The following LECT2 variants were observed in gnomAD, a reference collection of about 807,000 sequenced individuals.
The protein encoded by LECT2 is leukocyte cell-derived chemotaxin-2.
In LECT2, 11 loss-of-function variants were observed where a neutral mutation model predicts 16.6. The ratio of observed to expected loss-of-function variants is 0.66; its 90% CI spans 0.42 to 1.09. The LOEUF is 1.09. Ranked by LOEUF, LECT2 falls within the 50% of genes least tolerant of loss-of-function variation. The pLI is 0.00. For synonymous variants in LECT2, 54 were observed against 64.8 expected (o/e 0.83, Z 0.80); for missense variants, 173 against 184.2 (o/e 0.94, Z 0.35).
At chr5:135,952,393 C>G (rs1483379355) in intron 2 of LECT2, among the ~76,000 whole-genome samples, 1 of 152,140 alleles carries the variant, frequency 6.6e-6, no homozygotes, top group African/African-American at 2.4e-5. Context: ...CTGCTTAGGG[C>G]CAGCCTCTAA....
intron 2 of LECT2, 55 bp downstream of exon 2, chr5:135,952,816 T>C (rs1483411669): frequency 7.5e-7 from 1 of 1,329,780 alleles, no homozygotes; most frequent in Non-Finnish European, 1.1e-6. Flanking sequence ...GCAAGGACAC[T>C]AAGAAAAGAG....
chr5:135,952,800 C>G, intron 2 of LECT2, 71 bp downstream of exon 2: 1 of 1,078,452 alleles, frequency 9.3e-7, no homozygotes, highest in East Asian at 2.4e-5. Context: ...AGGCAACCAA[C>G]GTTGGGCAAG....
intron 2 of LECT2, chr5:135,951,676 T>C (rs1472887866): frequency 3.7e-6 from 1 of 267,858 alleles, no homozygotes; most frequent in Admixed American, 5.2e-5. Flanking sequence ...TCCATGTAAG[T>C]GCATTTTCTA....
intron 3 of LECT2, among the ~76,000 whole-genome samples, chr5:135,949,136 G>A (rs529676994): frequency 6.6e-6 from 1 of 152,322 alleles, no homozygotes; most frequent in East Asian, 1.9e-4. Flanking sequence ...ATATAACAGT[G>A]AAGGAAGACC....
rs1763840555 is a variant in LECT2 at position 135,954,927 on chromosome 5, A to C, written c.-94T>G. ...AAGTTTGAATGAATACTTCCTAGCT[A>C]TTTAGCCTTAGAATTCTGCATCTCT... On this transcript the variant is annotated 5_prime_UTR_variant, in exon 1 of 4. The change abolishes the stop of an existing upstream ORF in the 5' untranslated region. Transcript: ENST00000274507. The C allele has an allele frequency of 3.3e-6, 3 of 922,776 alleles. No individual in the cohort carries two copies. In the Admixed American group the frequency reaches 5.8e-5, roughly 18 times the overall value. 57.2% of individuals were successfully genotyped at this position (922,776 alleles called of 1,614,324 possible).
chr5:135,947,521 T>C (rs1763722277), intron 3 of LECT2, 24 bp from the exon 4 acceptor site: 3 of 1,558,622 alleles, frequency 1.9e-6, no homozygotes, highest in Non-Finnish European at 2.6e-6. Context: ...AGTATAATTA[T>C]TTATCTGGGC....
rs1763743939 is a variant in LECT2, at chr5:135,948,892, G to T, written c.290-1395C>A. ...GGGTTTCACCGTGTTAGCCAGGATGGTCTCGATCTCCTGACCTCGTGATCC... is the reference window on the plus strand; with the variant it reads ...GGGTTTCACCGTGTTAGCCAGGATGTTCTCGATCTCCTGACCTCGTGATCC... On this transcript the variant is annotated intron_variant, in intron 3 of 3. Transcript: ENST00000274507. Among the ~76,000 whole-genome samples, 3 of 151,986 alleles carry T rather than the reference G, an allele frequency of 2.0e-5. No homozygotes were observed. The South Asian group carries it at 6.2e-4, about 31-fold the overall frequency.
chr5:135,952,963 C>T lies in LECT2; in HGVS notation c.51G>A (p.Leu17=), dbSNP rs1763815780. 6.2e-7 allele frequency: 1 copy of T among 1,612,446 alleles called. No individual in the cohort carries two copies. The highest frequency in any genetic ancestry group is 8.5e-7 in the Non-Finnish European group (1 of 1,178,452). Residue 17 remains leucine, a synonymous_variant, in exon 2 of 4, where the codon CTG becomes CTA. Transcript: ENST00000274507. ...LLLAGLISTA[L]AGPWANICAG... is the part of the protein sequence containing the mutation. The stretch of plus-strand genomic sequence containing the variant: ...CACATATATTAGCCCATGGCCCTGC[C>T]AGTGCTAAAAAGGAGAAAAGTGAGA...
rs747690298 is a variant in LECT2, at chr5:135,951,212, A to C, written c.289+11T>G. Reference sequence around the variant, plus strand: ...AGGAGGCACCCCAGGTGTAGACTCCACCTCTCTTACCTCTTCCAGATATTC... The same window carrying C: ...AGGAGGCACCCCAGGTGTAGACTCCCCCTCTCTTACCTCTTCCAGATATTC... On this transcript the variant is annotated intron_variant, in intron 3 of 3. Coordinates refer to ENST00000274507, the MANE Select transcript of LECT2 (RefSeq NM_002302.3). 1.2e-6 allele frequency: 2 copies of C among 1,613,790 alleles called. No individual in the cohort carries two copies. The highest frequency in any genetic ancestry group is 2.2e-5 in the South Asian group (2 of 91,040).
At chr5:135,953,579 T>C (rs375184211) in intron 1 of LECT2, among the ~76,000 whole-genome samples, 3 of 152,206 alleles carry the variant, frequency 2.0e-5, no homozygotes, top group African/African-American at 7.2e-5. Flanking sequence ...AAGTTGTGCT[T>C]TTCTATTTTT....
At position 135,947,323 on chromosome 5, in the gene LECT2, C is replaced by T. The variant is rs759281860; in HGVS notation, c.*8G>A. ...TTTATTTTGAAGATCTGACCATTGGCCTTCGATTTACAGGTATGCAGTAGG... is the reference window on the plus strand; with the variant it reads ...TTTATTTTGAAGATCTGACCATTGGTCTTCGATTTACAGGTATGCAGTAGG... On this transcript the variant is annotated 3_prime_UTR_variant, in exon 4 of 4. Transcript: ENST00000274507. 1.7e-5 allele frequency: 28 copies of T among 1,611,150 alleles called. No homozygotes were observed. Among genetic ancestry groups the T allele is most frequent in the African/African-American group, 2.7e-5 (2 of 74,804 alleles).
intron 2 of LECT2, 159 bp from the exon 3 acceptor site, chr5:135,951,527 CA>C (rs1167371749): frequency 1.8e-5 from 10 of 569,598 alleles, no homozygotes; most frequent in Admixed American, 3.2e-5. Flanking sequence ...CTGTTTAGCC[CA>C]ATTTTAACCT....
rs1763720451 is a variant in LECT2, at chr5:135,947,438, C to T, written c.349G>A (p.Gly117Arg). ...PIKYKGPIKKGEKLGTLLPLQ... is the reference protein window; with the variant it reads ...PIKYKGPIKKREKLGTLLPLQ... The stretch of plus-strand genomic sequence containing the variant: ...GGCAATAGAGTTCCAAGTTTTTCTC[C>T]CTTCTTAATAGGACCTTTATACTTA... The change falls in exon 4 of 4, where the codon GGA (glycine) becomes AGA (arginine). Residue 117 changes from glycine to arginine, a missense_variant. Coordinates refer to ENST00000274507, the MANE Select transcript of LECT2 (RefSeq NM_002302.3). 14 of 1,613,938 alleles carry T rather than the reference C, an allele frequency of 8.7e-6. No individual in the cohort carries two copies. The East Asian group carries it at 2.7e-4, about 31-fold the overall frequency.
Position 135,952,896 on chromosome 5 carries a change from C to T in LECT2, c.118G>A (p.Gly40Ser). Residue 40 changes from glycine (G) to serine (S), a missense_variant, in exon 2 of 4, where the codon GGC (glycine) becomes AGC (serine). Coordinates refer to ENST00000274507, the MANE Select transcript of LECT2 (RefSeq NM_002302.3). The stretch of plus-strand genomic sequence containing the variant: ...CTTTGAGCAGAGTACTGTCCACAGC[C>T]ATGGCGGTCACACGTCCGGATCTCA... ...SNEIRTCDRH[G>S]CGQYSAQRSQ... The T allele has an allele frequency of 6.2e-7, 1 of 1,613,912 alleles. No homozygotes were observed. The highest frequency in any genetic ancestry group is 8.5e-7 in the Non-Finnish European group (1 of 1,179,760).
At chr5:135,951,430 G>A in intron 2 of LECT2, 62 bp from the exon 3 acceptor site, 1 of 1,485,876 alleles carries the variant, frequency 6.7e-7, no homozygotes, top group South Asian at 1.2e-5. Flanking sequence ...TACTGCCTGG[G>A]AACATGGTGT....
chr5:135,954,702 T>C, intron 1 of LECT2, 86 bp downstream of exon 1: 1 of 930,662 alleles, frequency 1.1e-6, no homozygotes, highest in Non-Finnish European at 1.8e-6. Context: ...GATCATGCTA[T>C]TAATGACTTT....
At position 135,947,230 on chromosome 5, in the gene LECT2, G is replaced by T. The variant is rs1180735287; in HGVS notation, c.*101C>A. The T allele has an allele frequency of 1.9e-6, 2 of 1,075,834 alleles. No homozygotes were observed. The highest frequency in any genetic ancestry group is 2.7e-6 in the Non-Finnish European group (2 of 727,308). The allele number at this position is 1,075,834 out of a possible 1,614,324, so 66.6% of individuals were successfully genotyped here. A position where few individuals can be genotyped will look rare whatever the true frequency, so the allele number is the denominator to read the frequency against. On this transcript the variant is annotated 3_prime_UTR_variant, in exon 4 of 4. Coordinates refer to ENST00000274507, the MANE Select transcript of LECT2 (RefSeq NM_002302.3). ...GAAAATGGGGTATCCATCCCTTCATGCATTTTTCCTTTGTGAACACAAATT... is the reference window on the plus strand; with the variant it reads ...GAAAATGGGGTATCCATCCCTTCATTCATTTTTCCTTTGTGAACACAAATT...
chr5:135,949,747 T>G (rs1345848540), intron 3 of LECT2, among the ~76,000 whole-genome samples: 2 of 152,230 alleles, frequency 1.3e-5, no homozygotes, highest in Non-Finnish European at 2.9e-5. Context: ...GCCTGGGAAT[T>G]TATTGGGAAT....
intron 3 of LECT2, among the ~76,000 whole-genome samples, chr5:135,948,156 A>G (rs1026432506): frequency 1.3e-5 from 2 of 152,256 alleles, no homozygotes; most frequent in Non-Finnish European, 2.9e-5. Flanking sequence ...TCCTGTTACC[A>G]GAAGAGTGGA....
Sources: gnomAD v4.1 joint callset for allele counts (sites outside exome capture counted in the v4.1 genomes callset) on GRCh38, gnomAD v4.1.1 for gene constraint, MANE v1.5 for transcripts, NCBI Gene and HGNC (gene_info 2026-07-23, HGNC 2026-07-21) for gene names.